The following BICD1 variants were observed in gnomAD, a reference collection of about 807,000 sequenced individuals.
BICD1 encodes protein bicaudal D homolog 1.
In BICD1, 35 loss-of-function variants were observed where a neutral mutation model predicts 92.5. The observed-to-expected ratio is 0.38, with a 90% CI of 0.29 to 0.50. BICD1 has a LOEUF of 0.50. Ranked by LOEUF, BICD1 falls within the 20% of genes least tolerant of loss-of-function variation. BICD1 has a pLI of 0.93. For synonymous variants in BICD1, 429 were observed against 465.1 expected, an observed-to-expected ratio of 0.92 and a Z score of 1.00; for missense variants, 950 against 1,189.8, an observed-to-expected ratio of 0.80 and a Z score of 2.97.
At chr12:32,269,908 T>A (rs1947091906) in intron 2 of BICD1, among the ~76,000 whole-genome samples, 1 of 151,858 alleles carries the variant, frequency 6.6e-6, no homozygotes, top group Non-Finnish European at 1.5e-5. Context: ...GGTAGACAGA[T>A]CACATGAGTT....
intron 4 of BICD1, among the ~76,000 whole-genome samples, chr12:32,312,783 A>C (rs1565662832): frequency 6.6e-6 from 1 of 152,362 alleles, no homozygotes; most frequent in East Asian, 1.9e-4. Flanking sequence ...ACTTGACAAT[A>C]GTCCTTGATA....
At chr12:32,281,998 A>G (rs916760887) in intron 2 of BICD1, among the ~76,000 whole-genome samples, 1 of 152,156 alleles carries the variant, frequency 6.6e-6, no homozygotes, top group African/African-American at 2.4e-5. Flanking sequence ...ATCTTGATAA[A>G]CACTTTTCAG....
intron 2 of BICD1, among the ~76,000 whole-genome samples, chr12:32,281,519 A>AAG (rs1432670961): frequency 6.6e-6 from 1 of 152,128 alleles, no homozygotes; most frequent in Admixed American, 6.6e-5. Flanking sequence ...AACCAACCCT[A>AAG]AGAGAGTTAA....
chr12:32,291,516 A>G (rs143332575), intron 2 of BICD1, among the ~76,000 whole-genome samples: 2 of 143,970 alleles, frequency 1.4e-5, no homozygotes, highest in African/African-American at 5.1e-5. Context: ...ACAGAGCAAG[A>G]CCCTGCTTCT....
intron 1 of BICD1, among the ~76,000 whole-genome samples, chr12:32,128,217 A>G (rs1460535481): frequency 6.6e-6 from 1 of 152,152 alleles, no homozygotes; most frequent in East Asian, 1.9e-4. Flanking sequence ...GCTAATTCTT[A>G]AGAAGTCACT....
At position 32,379,565 on chromosome 12, in the gene BICD1, A is replaced by T. The variant is rs6488050; in HGVS notation, c.*1938A>T. On this transcript the variant is annotated 3_prime_UTR_variant, in exon 10 of 10. Coordinates refer to ENST00000652176, the MANE Select transcript of BICD1 (RefSeq NM_001714.4). ...TGTTCCTAAACATTGTCTTCATTTC[A>T]CTGGCGTTGTATCTGCCTAGTACCA... 35,896 of 152,048 alleles carry T rather than the reference A, an allele frequency of 0.24. 5,106 individuals carry two copies. Among genetic ancestry groups the T allele is most frequent in the Non-Finnish European group, 0.3 (20,626 of 67,944 alleles). 9.4% of individuals were successfully genotyped at this position (152,048 alleles called of 1,614,324 possible). A position where few individuals can be genotyped will look rare whatever the true frequency, so the allele number is the denominator to read the frequency against.
At chr12:32,317,834 T>G (rs529551964) in intron 4 of BICD1, among the ~76,000 whole-genome samples, 1 of 152,186 alleles carries the variant, frequency 6.6e-6, no homozygotes, top group East Asian at 1.9e-4. Context: ...CTAGGGTTTT[T>G]ATGGTTTTAG....
intron 1 of BICD1, among the ~76,000 whole-genome samples, chr12:32,131,087 A>G (rs1020754): frequency 0.29 from 43,917 of 151,852 alleles, 6,578 homozygotes; most frequent in Admixed American, 0.43. Context: ...TGCCCGCCTC[A>G]GCCTCCCAAA....
At chr12:32,363,329 G>C (rs1000358465) in intron 8 of BICD1, among the ~76,000 whole-genome samples, 3 of 152,100 alleles carry the variant, frequency 2.0e-5, no homozygotes, top group Non-Finnish European at 2.9e-5. Context: ...TGAGGCAGGA[G>C]GATTACTTGA....
At chr12:32,316,459 T>C (rs1289283351) in intron 4 of BICD1, among the ~76,000 whole-genome samples, 1 of 150,964 alleles carries the variant, frequency 6.6e-6, no homozygotes, top group Non-Finnish European at 1.5e-5. Context: ...CCCAGCTAAT[T>C]TTTTTTTATT....
At chr12:32,341,677 G>T (rs1048741314) in intron 8 of BICD1, among the ~76,000 whole-genome samples, 1 of 151,992 alleles carries the variant, frequency 6.6e-6, no homozygotes, top group African/African-American at 2.4e-5. Context: ...CCAGATTAAC[G>T]CTTAGTAAAT....
At chr12:32,259,518 C>CCAA (rs1946803032) in intron 2 of BICD1, among the ~76,000 whole-genome samples, 1 of 152,190 alleles carries the variant, frequency 6.6e-6, no homozygotes. Flanking sequence ...ATGTCTATTT[C>CCAA]CAACAGTCAG....
intron 8 of BICD1, among the ~76,000 whole-genome samples, chr12:32,349,369 A>T (rs1938768078): frequency 6.6e-6 from 1 of 152,206 alleles, no homozygotes; most frequent in African/African-American, 2.4e-5. Context: ...AAGAATACTA[A>T]GAAAACATAT....
At chr12:32,138,600 C>T (rs1942807601) in intron 1 of BICD1, among the ~76,000 whole-genome samples, 1 of 152,086 alleles carries the variant, frequency 6.6e-6, no homozygotes, top group African/African-American at 2.4e-5. Flanking sequence ...TTTCAGTACA[C>T]CAGTCAACAA....
intron 1 of BICD1, among the ~76,000 whole-genome samples, chr12:32,193,717 A>T (rs1342447581): frequency 6.6e-6 from 1 of 152,078 alleles, no homozygotes; most frequent in Admixed American, 6.6e-5. Context: ...GTCATCAAAA[A>T]CCTCCAGCAA....
intron 2 of BICD1, among the ~76,000 whole-genome samples, chr12:32,283,748 A>C (rs1406687327): frequency 2.0e-5 from 3 of 152,196 alleles, no homozygotes; most frequent in Admixed American, 1.3e-4. Flanking sequence ...TATGGGTGTG[A>C]GTGGCTCATG....
At chr12:32,374,925 T>A (rs1431781868) in intron 9 of BICD1, among the ~76,000 whole-genome samples, 1 of 112,582 alleles carries the variant, frequency 8.9e-6, no homozygotes, top group South Asian at 3.2e-4. Flanking sequence ...TTTTTTTTTT[T>A]TTTTTTTTTT....
At chr12:32,293,519 G>A (rs1380256653) in intron 2 of BICD1, among the ~76,000 whole-genome samples, 4 of 151,124 alleles carry the variant, frequency 2.6e-5, no homozygotes, top group Admixed American at 1.3e-4. Context: ...TAGTAGAGAC[G>A]GGGTTTCACC....
intron 1 of BICD1, among the ~76,000 whole-genome samples, chr12:32,207,239 C>CA (rs1358796376): frequency 1.0e-4 from 1 of 9,662 alleles, no homozygotes; most frequent in East Asian, 0.019. Flanking sequence ...CCACAAAATA[C>CA]AAAAAAACTC....
Sources: gnomAD v4.1 joint callset for allele counts (sites outside exome capture counted in the v4.1 genomes callset) on GRCh38, gnomAD v4.1.1 for gene constraint, MANE v1.5 for transcripts, NCBI Gene and HGNC (gene_info 2026-07-23, HGNC 2026-07-21) for gene names.